COQ10A: variants seen among roughly 807,000 people sequenced by gnomAD.
COQ10A encodes the protein coenzyme Q10A.
In COQ10A, 25 loss-of-function variants were observed where a neutral mutation model predicts 26.1. The observed-to-expected ratio is 0.96, with a 90% CI of 0.70 to 1.34. The LOEUF (loss-of-function observed/expected upper bound fraction) is 1.34. Among genes scored for constraint, COQ10A ranks in the 40% most tolerant of loss-of-function variants. The probability of loss-of-function intolerance (pLI) is 0.00; values close to 1 mark genes in which losing one functional copy is unlikely to be tolerated. For synonymous variants in COQ10A, 132 were observed against 124.0 expected, an observed-to-expected ratio of 1.06 and a Z score of -0.43; for missense variants, 312 against 335.4, an observed-to-expected ratio of 0.93 and a Z score of 0.54.
chr12:56,270,526 A>G lies in COQ10A; in HGVS notation c.*209A>G. 1 of 581,232 alleles carries G rather than the reference A, an allele frequency of 1.7e-6. No individual in the cohort carries two copies. The highest frequency in any genetic ancestry group is 3.0e-6 in the Non-Finnish European group (1 of 332,592). 36.0% of individuals were successfully genotyped at this position (581,232 alleles called of 1,614,324 possible). ...GATGTGGAAATGAGATGTGCTTAGGAAAGGGTCAGGCCCATCGTAGGAGCA... is the reference window on the plus strand; with the variant it reads ...GATGTGGAAATGAGATGTGCTTAGGGAAGGGTCAGGCCCATCGTAGGAGCA... On this transcript the variant is annotated 3_prime_UTR_variant, in exon 5 of 5. Coordinates refer to ENST00000308197, the MANE Select transcript of COQ10A (RefSeq NM_144576.4).
chr12:56,268,950 G>T (rs1235866127), intron 2 of COQ10A, 109 bp from the exon 3 acceptor site: 2 of 799,844 alleles, frequency 2.5e-6, no homozygotes, highest in East Asian at 4.9e-5. Flanking sequence ...GGGATCTGTA[G>T]TTCCTGAAGG....
At chr12:56,268,173 T>A in intron 2 of COQ10A, 1 of 576,984 alleles carries the variant, frequency 1.7e-6, no homozygotes, top group South Asian at 2.0e-5. Flanking sequence ...GACTATACTT[T>A]AAGACAACAG....
At chr12:56,268,590 G>T (rs1872419343) in intron 2 of COQ10A, 1 of 161,914 alleles carries the variant, frequency 6.2e-6, no homozygotes, top group African/African-American at 2.4e-5. Context: ...TATATTTTGA[G>T]CATAATAGCT....
chr12:56,267,281 C>A, intron 1 of COQ10A, 29 bp downstream of exon 1: 2 of 1,584,778 alleles, frequency 1.3e-6, no homozygotes, highest in South Asian at 2.3e-5. Context: ...CGGCTGAGGG[C>A]AGGGGGTCGC....
chr12:56,267,775 C>T lies in COQ10A; in HGVS notation c.135-19C>T, dbSNP rs1447563835. ...TTACGAAGAACTATACGGTTGGCTC[C>T]TCTTTCCTTTGGCCTTAGGTTTCTG... On this transcript the variant is annotated intron_variant, in intron 1 of 4. Transcript: ENST00000308197. The T allele has an allele frequency of 1.9e-6, 3 of 1,614,152 alleles. No homozygotes were observed. The highest frequency in any genetic ancestry group is 1.7e-6 in the Non-Finnish European group (2 of 1,180,036).
At chr12:56,270,062 A>G in intron 4 of COQ10A, 88 bp from the exon 5 acceptor site, 1 of 1,357,254 alleles carries the variant, frequency 7.4e-7, no homozygotes, top group South Asian at 1.3e-5. Context: ...AGGGGGAGAA[A>G]AGGCACTGAG....
rs1872489935 is a variant in COQ10A at position 56,270,555 on chromosome 12, T to C, written c.*238T>C. 2 of 485,794 alleles carry C rather than the reference T, an allele frequency of 4.1e-6. No homozygotes were observed. Among genetic ancestry groups the C allele is most frequent in the Non-Finnish European group, 7.3e-6 (2 of 272,852 alleles). The allele number at this position is 485,794 out of a possible 1,614,324, so 30.1% of individuals were successfully genotyped here. ...GGTCAGGCCCATCGTAGGAGCACCATATGCCTGCAGCCTTTTCACTACGAA... is the reference window on the plus strand; with the variant it reads ...GGTCAGGCCCATCGTAGGAGCACCACATGCCTGCAGCCTTTTCACTACGAA... On this transcript the variant is annotated 3_prime_UTR_variant, in exon 5 of 5. Transcript: ENST00000308197.
chr12:56,269,279 AG>A, intron 3 of COQ10A, 28 bp downstream of exon 3: 1 of 1,602,898 alleles, frequency 6.2e-7, no homozygotes, highest in Non-Finnish European at 8.5e-7. Context: ...GGGATTGACA[AG>A]ATTTTTTGTT....
In COQ10A at chr12:56,269,231, G is replaced by C; in HGVS notation, c.454G>C (p.Val152Leu). The change falls in exon 3 of 5, where the codon GTC (valine) becomes CTC (leucine). Residue 152 changes from valine to leucine, a missense_variant. Val to Leu is a conservative substitution (Grantham distance 32). Transcript: ENST00000308197. The part of the protein sequence containing the change: ...MERYTSAVSM[V>L]KPHMVKAVCT... ...ACGTTACACCTCTGCAGTTTCCATG[G>C]TCAAACCTCACATGGTCAAGGTGAG... The C allele has an allele frequency of 6.2e-7, 1 of 1,614,086 alleles. No homozygotes were observed. The highest frequency in any genetic ancestry group is 8.5e-7 in the Non-Finnish European group (1 of 1,180,014).
chr12:56,268,328 A>C, intron 2 of COQ10A: 1 of 211,684 alleles, frequency 4.7e-6, no homozygotes, highest in East Asian at 1.3e-4. Context: ...CACACACACA[A>C]GAATCAGCCT....
intron 2 of COQ10A, 65 bp from the exon 3 acceptor site, chr12:56,268,994 G>A: frequency 2.2e-6 from 3 of 1,353,080 alleles, no homozygotes; most frequent in Non-Finnish European, 1.1e-6. Context: ...TGAATTAGGG[G>A]CCTATAGCAA....
intron 1 of COQ10A, 115 bp downstream of exon 1, chr12:56,267,367 C>T: frequency 6.2e-7 from 1 of 1,613,788 alleles, no homozygotes; most frequent in African/African-American, 1.3e-5. Flanking sequence ...AGCAATCATG[C>T]CCTGGGAGCT....
At position 56,267,182 on chromosome 12, in the gene COQ10A, C is replaced by A. The variant is rs1042305832; in HGVS notation, c.64C>A (p.Arg22=). The A allele has an allele frequency of 3.7e-6, 5 of 1,369,080 alleles. No homozygotes were observed. The highest frequency in any genetic ancestry group is 4.7e-6 in the Non-Finnish European group (5 of 1,066,666). The allele number at this position is 1,369,080 out of a possible 1,614,324, so 84.8% of individuals were successfully genotyped here. ...GCGCGCGGCAGCCGAGCGCTGCTGC[C>A]GGCTCTCGCTCAGCCCGGGCGCGCA... ...GTRAAAERCC[R]LSLSPGAQPA... Residue 22 remains arginine, a synonymous_variant, in exon 1 of 5, where the codon CGG becomes AGG. Coordinates refer to ENST00000308197, the MANE Select transcript of COQ10A (RefSeq NM_144576.4).
At position 56,269,409 on chromosome 12, in the gene COQ10A, T is replaced by G. The variant is rs546388110; in HGVS notation, c.475-51T>G. The G allele has an allele frequency of 8.8e-5, 132 of 1,499,914 alleles. 1 individual carries two copies. The highest frequency in any genetic ancestry group is 1.5e-4 in the Admixed American group (9 of 59,832). 92.9% of individuals were successfully genotyped at this position (1,499,914 alleles called of 1,614,324 possible). A position where few individuals can be genotyped will look rare whatever the true frequency, so the allele number is the denominator to read the frequency against. The stretch of plus-strand genomic sequence containing the variant: ...AAAATGGCTTTCAATTCCTTTATAT[T>G]GTATCCTATACTTAGTAATGTTATT... On this transcript the variant is annotated intron_variant, in intron 3 of 4. Transcript: ENST00000308197.
At chr12:56,268,486 A>C (rs1424560497) in intron 2 of COQ10A, 1 of 158,386 alleles carries the variant, frequency 6.3e-6, no homozygotes, top group Non-Finnish European at 1.4e-5. Flanking sequence ...CTCAAAAAAC[A>C]AAACAAAAAA....
intron 1 of COQ10A, 190 bp from the exon 2 acceptor site, chr12:56,267,604 C>T: frequency 7.8e-6 from 9 of 1,150,226 alleles, no homozygotes; most frequent in Non-Finnish European, 1.0e-5. Flanking sequence ...CAGCCCTGTC[C>T]TTAGCTGCCC....
chr12:56,269,386 A>T (rs961918631), intron 3 of COQ10A, 74 bp from the exon 4 acceptor site: 7 of 1,471,194 alleles, frequency 4.8e-6, no homozygotes, highest in Non-Finnish European at 6.7e-6. Context: ...AAAGAAGGAA[A>T]ATGGCTTTCA....
Position 56,269,096 on chromosome 12 carries a change from G to A in COQ10A, c.319G>A (p.Val107Ile), listed in dbSNP as rs761065199. 19 of 1,614,028 alleles carry A rather than the reference G, an allele frequency of 1.2e-5. No individual in the cohort carries two copies. The East Asian group carries it at 1.3e-4, about 11-fold the overall frequency. ...MQEMYEVVSN[V>I]QEYREFVPWC... is the part of the protein sequence containing the mutation. ...GGAGATGTATGAGGTGGTGTCCAAC[G>A]TCCAGGAGTATCGTGAGTTTGTGCC... Residue 107 changes from valine (V) to isoleucine (I), a missense_variant, in exon 3 of 5, where the codon GTC (valine) becomes ATC (isoleucine). Physicochemically the swap from Val to Ile is conservative, Grantham distance 29. Transcript: ENST00000308197.
Position 56,267,951 on chromosome 12 carries a change from T to A in COQ10A, c.281+11T>A. On this transcript the variant is annotated intron_variant, in intron 2 of 4. Coordinates refer to ENST00000308197, the MANE Select transcript of COQ10A (RefSeq NM_144576.4). ...GCGTAGAATCATGGGGTAAGCATTC[T>A]CTGCCTTGCATCCTTGCACCTCCCT... 6.2e-7 allele frequency: 1 copy of A among 1,613,978 alleles called. No homozygotes were observed. Among genetic ancestry groups the A allele is most frequent in the South Asian group, 1.1e-5 (1 of 91,076 alleles).
Sources: gnomAD v4.1 joint callset for allele counts on GRCh38, gnomAD v4.1.1 for gene constraint, MANE v1.5 for transcripts, NCBI Gene and HGNC (gene_info 2026-07-23, HGNC 2026-07-21) for gene names.